AFF3: variants seen among roughly 807,000 people sequenced by gnomAD.
AFF3 encodes ALF transcription elongation factor 3.
AFF3 carries 32 observed loss-of-function variants against 129.7 expected under a neutral mutation model. The ratio of observed to expected loss-of-function variants is 0.25; its 90% CI spans 0.19 to 0.33. The LOEUF is 0.33. AFF3 is among the 10% of genes least tolerant of loss of function. The pLI is 1.00. For missense variants in AFF3, 1,373 were observed against 1,592.0 expected, an observed-to-expected ratio of 0.86 and a Z score of 2.34; for synonymous variants, 644 against 635.4, an observed-to-expected ratio of 1.01 and a Z score of -0.20.
chr2:100,141,816 T>G (rs2105622045), intron 1 of AFF3, among the ~76,000 whole-genome samples: 1 of 152,250 alleles, frequency 6.6e-6, no homozygotes, highest in Non-Finnish European at 1.5e-5. Context: ...TAAACACACA[T>G]ACACACAATG....
chr2:99,816,774 T>C (rs1687268863), intron 8 of AFF3, among the ~76,000 whole-genome samples: 1 of 152,092 alleles, frequency 6.6e-6, no homozygotes, highest in Non-Finnish European at 1.5e-5. Context: ...TCACAAGTGT[T>C]CCTGAGCTTT....
intron 8 of AFF3, among the ~76,000 whole-genome samples, chr2:99,798,328 G>C (rs933806406): frequency 1.3e-5 from 2 of 151,850 alleles, no homozygotes; most frequent in Non-Finnish European, 2.9e-5. Context: ...AGGACAAGAG[G>C]AAAGGGCAAT....
intron 4 of AFF3, among the ~76,000 whole-genome samples, chr2:100,088,183 GA>G (rs1427910955): frequency 1.4e-5 from 2 of 144,688 alleles, no homozygotes; most frequent in Admixed American, 6.9e-5. Context: ...AATCGGGCAA[GA>G]AAAAAAAATT....
At chr2:99,706,738 T>C (rs1677434397) in intron 11 of AFF3, among the ~76,000 whole-genome samples, 2 of 152,224 alleles carry the variant, frequency 1.3e-5, no homozygotes, top group Non-Finnish European at 2.9e-5. Context: ...GCCGATTTTT[T>C]GTTTTAAAGC....
intron 4 of AFF3, among the ~76,000 whole-genome samples, chr2:100,092,162 T>C (rs994076593): frequency 1.3e-5 from 2 of 152,150 alleles, no homozygotes; most frequent in Non-Finnish European, 2.9e-5. Context: ...TCCAAGGGCA[T>C]TTACACGCAA....
At chr2:99,558,745 T>C (rs1354027555) in intron 22 of AFF3, 130 bp downstream of exon 22, 1 of 752,954 alleles carries the variant, frequency 1.3e-6, no homozygotes, top group African/African-American at 1.7e-5. Flanking sequence ...GTGGCATAAA[T>C]GGGGTTACCT....
chr2:100,038,825 C>A (rs1559078786), intron 4 of AFF3, among the ~76,000 whole-genome samples: 1 of 151,628 alleles, frequency 6.6e-6, no homozygotes, highest in Non-Finnish European at 1.5e-5. Context: ...CGGGTTCAAG[C>A]GATTCTCCTG....
At chr2:100,057,124 C>G (rs973341109) in intron 4 of AFF3, among the ~76,000 whole-genome samples, 9 of 152,062 alleles carry the variant, frequency 5.9e-5, no homozygotes, top group African/African-American at 2.2e-4. Context: ...AGTTCGAGAC[C>G]AGCGTGGCCA....
chr2:100,014,027 T>C lies in AFF3; in HGVS notation c.54-5095A>G, dbSNP rs531726981. Among the ~76,000 whole-genome samples the C allele has an allele frequency of 9.0e-4, 137 of 152,096 alleles. 1 individual carries two copies. The highest frequency in any genetic ancestry group is 3.4e-3 in the Middle Eastern group (1 of 294). On this transcript the variant is annotated intron_variant, in intron 4 of 24. Coordinates refer to ENST00000672756, the MANE Select transcript of AFF3 (RefSeq NM_001386135.1). The stretch of plus-strand genomic sequence containing the variant: ...GCCTGCCCTCTGGCTGAGTCACAGG[T>C]TGATTCAGCAGACCCAGCCAGCCAG...
At chr2:99,622,857 C>T (rs1168810922) in intron 13 of AFF3, among the ~76,000 whole-genome samples, 2 of 152,088 alleles carry the variant, frequency 1.3e-5, no homozygotes, top group Admixed American at 6.5e-5. Flanking sequence ...ACAGGCAGGA[C>T]GACTCAGACA....
chr2:100,014,954 A>AT (rs562822524), intron 4 of AFF3, among the ~76,000 whole-genome samples: 2,329 of 121,542 alleles, frequency 0.019, 38 homozygotes, highest in East Asian at 0.039. Context: ...CAGCCAGCTA[A>AT]TTTTTTTTTT....
intron 23 of AFF3, 39 bp downstream of exon 23, chr2:99,554,644 G>T: frequency 1.9e-6 from 3 of 1,613,918 alleles, no homozygotes; most frequent in Non-Finnish European, 1.7e-6. Flanking sequence ...ACCATGCATT[G>T]TCTGGCTTAC....
chr2:100,131,817 T>C (rs188558313), intron 1 of AFF3, among the ~76,000 whole-genome samples: 177 of 152,280 alleles, frequency 1.2e-3, no homozygotes, highest in Non-Finnish European at 2.0e-3. Context: ...AAAGCTAATG[T>C]TTGTTGAGCA....
chr2:100,078,997 A>G (rs1275796677), intron 4 of AFF3, among the ~76,000 whole-genome samples: 1 of 142,754 alleles, frequency 7.0e-6, no homozygotes, highest in Non-Finnish European at 1.5e-5. Context: ...GGCTGGATGG[A>G]GTGCAGTGGC....
chr2:99,594,361 T>G, intron 14 of AFF3, 72 bp from the exon 15 acceptor site: 2 of 1,525,390 alleles, frequency 1.3e-6, no homozygotes, highest in Non-Finnish European at 1.8e-6. Context: ...CCTGGCTGTT[T>G]TTATCTTGAC....
At chr2:100,079,108 G>A (rs1031884463) in intron 4 of AFF3, among the ~76,000 whole-genome samples, 28 of 151,834 alleles carry the variant, frequency 1.8e-4, no homozygotes, top group East Asian at 1.4e-3. Context: ...CACCACGCCC[G>A]GCTAATTTTT....
At chr2:99,945,034 G>A (rs1675425303) in intron 7 of AFF3, among the ~76,000 whole-genome samples, 1 of 152,184 alleles carries the variant, frequency 6.6e-6, no homozygotes. Context: ...TGTTAGTGCT[G>A]GAGTAACAAA....
At chr2:100,136,629 T>C (rs1408870366) in intron 1 of AFF3, among the ~76,000 whole-genome samples, 1 of 152,204 alleles carries the variant, frequency 6.6e-6, no homozygotes, top group African/African-American at 2.4e-5. Context: ...TTTGGAGCTA[T>C]GTGACCGCTG....
intron 4 of AFF3, among the ~76,000 whole-genome samples, chr2:100,029,346 C>A (rs1366439086): frequency 1.3e-5 from 2 of 152,160 alleles, no homozygotes; most frequent in African/African-American, 4.8e-5. Context: ...CATGAAAAGG[C>A]AGCAAGAGGC....
Sources: gnomAD v4.1 joint callset for allele counts (sites outside exome capture counted in the v4.1 genomes callset) on GRCh38, gnomAD v4.1.1 for gene constraint, MANE v1.5 for transcripts, NCBI Gene and HGNC (gene_info 2026-07-23, HGNC 2026-07-21) for gene names.